CTNND2: variants seen among roughly 807,000 people sequenced by gnomAD.
The protein encoded by CTNND2 is catenin delta 2, also known as catenin delta-2.
CTNND2 carries 22 observed loss-of-function variants against 144.4 expected under a neutral mutation model. That is an observed-to-expected ratio of 0.15 (90% CI 0.11 to 0.22). The LOEUF (loss-of-function observed/expected upper bound fraction) is 0.22. CTNND2 is among the 10% of genes least tolerant of loss of function. CTNND2 has a pLI of 1.00. For synonymous variants in CTNND2, 751 were observed against 695.6 expected, an observed-to-expected ratio of 1.08 and a Z score of -1.25; for missense variants, 1,353 against 1,618.8, an observed-to-expected ratio of 0.84 and a Z score of 2.82.
Position 11,407,210 on chromosome 5 carries a change from ATT to A in CTNND2, c.439+4324_439+4325del, listed in dbSNP as rs530356684. ...GGCCCCAAGCTTCTGTTGGTAAATT[ATT>A]TTTTATTGTTTTGTTTTGTTCCACT... On this transcript the variant is annotated intron_variant, in intron 5 of 21. Transcript: ENST00000304623. 1.9e-3 allele frequency among the ~76,000 whole-genome samples: 293 copies of A among 152,246 alleles called. 2 individuals carry two copies. The highest frequency in any genetic ancestry group is 6.8e-3 in the African/African-American group (281 of 41,550).
At chr5:11,273,952 G>T (rs1228731638) in intron 9 of CTNND2, among the ~76,000 whole-genome samples, 3 of 152,272 alleles carry the variant, frequency 2.0e-5, no homozygotes, top group African/African-American at 4.8e-5. Flanking sequence ...TGAATATATA[G>T]ATTTCCTGGG....
At chr5:11,491,798 A>T (rs1769413097) in intron 3 of CTNND2, among the ~76,000 whole-genome samples, 1 of 152,176 alleles carries the variant, frequency 6.6e-6, no homozygotes, top group Non-Finnish European at 1.5e-5. Flanking sequence ...TCTGATTTCT[A>T]AGCCGATACC....
intron 3 of CTNND2, among the ~76,000 whole-genome samples, chr5:11,525,639 C>T (rs1162362779): frequency 2.0e-5 from 3 of 152,194 alleles, no homozygotes; most frequent in African/African-American, 7.2e-5. Context: ...TCTCAAATAG[C>T]ATCCATCCCT....
intron 16 of CTNND2, among the ~76,000 whole-genome samples, chr5:11,068,495 C>A (rs1483000066): frequency 6.6e-6 from 1 of 152,066 alleles, no homozygotes; most frequent in Non-Finnish European, 1.5e-5. Flanking sequence ...AAAAGATGCT[C>A]TGGTATAGGT....
chr5:11,879,369 A>ATGTATATATATATATATATATG (rs1735853227), intron 1 of CTNND2, among the ~76,000 whole-genome samples: 1 of 138,192 alleles, frequency 7.2e-6, no homozygotes, highest in African/African-American at 2.5e-5. Flanking sequence ...ATATACACAC[A>ATGTATATATATATATATATATG]CACACAAACA....
chr5:11,780,018 C>A (rs993660137), intron 1 of CTNND2, among the ~76,000 whole-genome samples: 1 of 152,198 alleles, frequency 6.6e-6, no homozygotes, highest in Non-Finnish European at 1.5e-5. Flanking sequence ...CTCCATTTAA[C>A]CTTCCCTGTT....
chr5:11,450,698 G>C (rs923962233), intron 3 of CTNND2, among the ~76,000 whole-genome samples: 26 of 152,076 alleles, frequency 1.7e-4, no homozygotes, highest in African/African-American at 5.8e-4. Flanking sequence ...AGGAGATCGA[G>C]ACCATCCTGG....
chr5:11,305,302 G>A (rs1750075305), intron 9 of CTNND2, among the ~76,000 whole-genome samples: 1 of 152,160 alleles, frequency 6.6e-6, no homozygotes, highest in Non-Finnish European at 1.5e-5. Context: ...GAGTCAGAAT[G>A]GGCCTCAGCA....
intron 14 of CTNND2, among the ~76,000 whole-genome samples, chr5:11,108,870 A>T (rs1428434390): frequency 6.6e-6 from 1 of 152,228 alleles, no homozygotes; most frequent in Non-Finnish European, 1.5e-5. Context: ...CGTTGGCCAT[A>T]GACCAAGGTG....
intron 11 of CTNND2, among the ~76,000 whole-genome samples, chr5:11,160,698 G>C (rs1016149886): frequency 6.6e-6 from 1 of 152,118 alleles, no homozygotes; most frequent in Non-Finnish European, 1.5e-5. Flanking sequence ...GCAGATATTG[G>C]AAATAAAACA....
In CTNND2 at chr5:11,651,938, C is replaced by T. The variant is rs147689862; in HGVS notation, c.174+80198G>A. On this transcript the variant is annotated intron_variant, in intron 2 of 21. Transcript: ENST00000304623. ...GAAGGGTCTTGACTAGTCTCAGATG[C>T]GACTTTGGACCGTGAACTTCTGAGT... is the stretch of plus-strand genomic sequence containing the variant. Among the ~76,000 whole-genome samples, 290 of 152,018 alleles carry T rather than the reference C, an allele frequency of 1.9e-3. 1 individual carries two copies. Among genetic ancestry groups the T allele is most frequent in the Non-Finnish European group, 3.4e-3 (234 of 67,976 alleles).
Position 11,805,749 on chromosome 5 carries a change from G to A in CTNND2, c.38-73477C>T, listed in dbSNP as rs372298771. Among the ~76,000 whole-genome samples, 85 of 152,084 alleles carry A rather than the reference G, an allele frequency of 5.6e-4. 1 individual carries two copies. Among genetic ancestry groups the A allele is most frequent in the Non-Finnish European group, 9.6e-4 (65 of 67,986 alleles). On this transcript the variant is annotated intron_variant, in intron 1 of 21. Coordinates refer to ENST00000304623, the MANE Select transcript of CTNND2 (RefSeq NM_001332.4). ...ACAAATCTCCCATGCAGAATTCCAC[G>A]TAACTCACATAGAACATAGATCCAC...
intron 11 of CTNND2, among the ~76,000 whole-genome samples, chr5:11,190,578 TC>T (rs1736138433): frequency 6.6e-6 from 1 of 152,230 alleles, no homozygotes; most frequent in Non-Finnish European, 1.5e-5. Flanking sequence ...GTGGCCTTCT[TC>T]TTTATTCTGT....
intron 1 of CTNND2, among the ~76,000 whole-genome samples, chr5:11,876,785 A>C (rs1735601332): frequency 6.6e-6 from 1 of 152,202 alleles, no homozygotes; most frequent in Admixed American, 6.5e-5. Context: ...ACAATTTCTA[A>C]ATTTCGTTAT....
At chr5:11,720,762 T>A (rs749803091) in intron 2 of CTNND2, among the ~76,000 whole-genome samples, 16 of 152,224 alleles carry the variant, frequency 1.1e-4, no homozygotes, top group Non-Finnish European at 1.8e-4. Context: ...ATTTTTTTGA[T>A]GTTCTTAGGC....
chr5:11,160,173 T>A (rs1306786255), intron 11 of CTNND2, among the ~76,000 whole-genome samples: 1 of 152,198 alleles, frequency 6.6e-6, no homozygotes, highest in Non-Finnish European at 1.5e-5. Flanking sequence ...TGTGCACATG[T>A]GGTTGCCATG....
rs368476780 is a variant in CTNND2 at position 11,397,207 on chromosome 5, C to T, written c.440-4G>A. 1.6e-5 allele frequency: 26 copies of T among 1,613,090 alleles called. No homozygotes were observed. The African/African-American group carries it at 2.9e-4, about 18-fold the overall frequency. On this transcript the variant is annotated splice_polypyrimidine_tract_variant and splice_region_variant and intron_variant, in intron 5 of 21. Transcript: ENST00000304623. ...CTCTGGGAGAGCAGGCTGGGCCCTG[C>T]ATTGAAAGTCATTTAGAGCAGTCAG...
At chr5:11,723,856 A>AG (rs1786841695) in intron 2 of CTNND2, among the ~76,000 whole-genome samples, 1 of 152,046 alleles carries the variant, frequency 6.6e-6, no homozygotes, top group Non-Finnish European at 1.5e-5. Context: ...GGAGATCGAG[A>AG]CATTCCTGGC....
chr5:11,710,539 CAA>C (rs1197887467), intron 2 of CTNND2, among the ~76,000 whole-genome samples: 1,986 of 68,688 alleles, frequency 0.029, 22 homozygotes, highest in East Asian at 0.13. Flanking sequence ...GACTCCATCT[CAA>C]AAAAAAAAAA....
Sources: allele counts gnomAD v4.1 joint callset (sites outside exome capture counted in the v4.1 genomes callset), GRCh38; gene constraint gnomAD v4.1.1; transcripts MANE v1.5; gene names NCBI Gene and HGNC (gene_info 2026-07-23, HGNC 2026-07-21).